The following LRRC4C variants were observed in gnomAD, a reference collection of about 807,000 sequenced individuals.
LRRC4C encodes the protein leucine rich repeat containing 4C, also known as leucine-rich repeat-containing protein 4C.
LRRC4C carries 5 observed loss-of-function variants against 33.6 expected under a neutral mutation model. That is an observed-to-expected ratio of 0.15 (90% CI 0.08 to 0.31). The LOEUF is 0.31. Among genes scored for constraint, LRRC4C ranks in the 10% least tolerant of loss-of-function variants. The pLI is 1.00. For synonymous variants in LRRC4C, 329 were observed against 302.0 expected (o/e 1.09, Z -0.93); for missense variants, 560 against 796.7 (o/e 0.70, Z 3.58).
At chr11:40,795,159 A>G (rs1950774438) in intron 2 of LRRC4C, among the ~76,000 whole-genome samples, 1 of 152,192 alleles carries the variant, frequency 6.6e-6, no homozygotes. Context: ...ACACTATACC[A>G]GGTAATAAAA....
intron 1 of LRRC4C, among the ~76,000 whole-genome samples, chr11:41,380,810 T>C (rs80184475): frequency 0.047 from 7,129 of 152,160 alleles, 583 homozygotes; most frequent in African/African-American, 0.16. Flanking sequence ...AGTCCAATAG[T>C]AGTCTGTCTG....
At chr11:40,915,165 T>A (rs919962840) in intron 2 of LRRC4C, among the ~76,000 whole-genome samples, 3 of 152,100 alleles carry the variant, frequency 2.0e-5, no homozygotes, top group African/African-American at 7.2e-5. Context: ...AAGCTACCAA[T>A]GACTTTCTTC....
chr11:41,279,381 A>AACACACACACACACACACACAC (rs575973002), intron 1 of LRRC4C, among the ~76,000 whole-genome samples: 1 of 126,382 alleles, frequency 7.9e-6, no homozygotes, highest in Non-Finnish European at 1.6e-5. Flanking sequence ...CACACACACA[A>AACACACACACACACACACACAC]ACACACACAC....
intron 2 of LRRC4C, among the ~76,000 whole-genome samples, chr11:40,767,862 A>G (rs893439163): frequency 2.6e-5 from 4 of 152,012 alleles, no homozygotes; most frequent in South Asian, 2.1e-4. Context: ...GCCTACATCA[A>G]CAAGGTAGTA....
At chr11:41,227,369 T>C (rs1947587059) in intron 1 of LRRC4C, among the ~76,000 whole-genome samples, 2 of 152,102 alleles carry the variant, frequency 1.3e-5, no homozygotes, top group Admixed American at 1.3e-4. Context: ...AAGAATCCAG[T>C]TTTGTCTGAT....
intron 1 of LRRC4C, among the ~76,000 whole-genome samples, chr11:41,026,331 AGTAACTGCAGATGTG>A (rs1036489824): frequency 1.3e-5 from 2 of 151,678 alleles, no homozygotes; most frequent in African/African-American, 4.8e-5. Context: ...CAGTGAGGGA[AGTAACTGCAGATGTG>A]GTAGAAAAAG....
chr11:40,229,366 G>A (rs536427413), intron 5 of LRRC4C, among the ~76,000 whole-genome samples: 13 of 152,080 alleles, frequency 8.5e-5, no homozygotes, highest in Admixed American at 5.9e-4. Flanking sequence ...TCCGCCTCCC[G>A]GGTTCAGGCA....
intron 4 of LRRC4C, among the ~76,000 whole-genome samples, chr11:40,247,899 C>A (rs1390234764): frequency 6.6e-6 from 1 of 152,198 alleles, no homozygotes; most frequent in Non-Finnish European, 1.5e-5. Flanking sequence ...GTCTGGAAAG[C>A]TTCCTCTCCT....
Position 40,658,453 on chromosome 11 carries a change from G to T in LRRC4C, c.-406-10175C>A, listed in dbSNP as rs188297851. ...TCAAGTCAGTATGCTGAGACACTGG[G>T]TTTCAGTAGAGAAAGGGGTTTAATT... is the stretch of plus-strand genomic sequence containing the variant. On this transcript the variant is annotated intron_variant, in intron 2 of 6. Coordinates refer to ENST00000528697, the MANE Select transcript of LRRC4C (RefSeq NM_001258419.2). 7.0e-4 allele frequency among the ~76,000 whole-genome samples: 106 copies of T among 152,304 alleles called. 1 individual carries two copies. Among genetic ancestry groups the T allele is most frequent in the Admixed American group, 5.9e-3 (90 of 15,304 alleles).
intron 1 of LRRC4C, among the ~76,000 whole-genome samples, chr11:40,986,233 G>A (rs539274506): frequency 6.6e-6 from 1 of 152,180 alleles, no homozygotes; most frequent in African/African-American, 2.4e-5. Flanking sequence ...TGGTGGAGTG[G>A]GGGAAAAAGT....
At chr11:41,308,953 C>A (rs968761503) in intron 1 of LRRC4C, among the ~76,000 whole-genome samples, 6 of 152,054 alleles carry the variant, frequency 3.9e-5, no homozygotes, top group Non-Finnish European at 7.4e-5. Context: ...TACAGGCATG[C>A]GTCAACACGC....
chr11:40,427,599 G>A (rs1042476588), intron 3 of LRRC4C, among the ~76,000 whole-genome samples: 7 of 152,210 alleles, frequency 4.6e-5, no homozygotes, highest in Admixed American at 6.5e-5. Context: ...AAGTCAAGGC[G>A]GGTGAATTGC....
At chr11:41,269,491 G>A (rs1253647711) in intron 1 of LRRC4C, among the ~76,000 whole-genome samples, 1 of 152,050 alleles carries the variant, frequency 6.6e-6, no homozygotes, top group Admixed American at 6.6e-5. Flanking sequence ...AGAGAGCAAA[G>A]AGCCAATCTA....
chr11:40,680,008 C>T (rs1354193433), intron 2 of LRRC4C, among the ~76,000 whole-genome samples: 3 of 152,154 alleles, frequency 2.0e-5, no homozygotes, highest in Non-Finnish European at 4.4e-5. Context: ...ATATACCTTG[C>T]AAAGCCCTAG....
At chr11:40,371,604 G>T (rs926804573) in intron 3 of LRRC4C, among the ~76,000 whole-genome samples, 1 of 152,148 alleles carries the variant, frequency 6.6e-6, no homozygotes, top group African/African-American at 2.4e-5. Flanking sequence ...GGATACAATC[G>T]TGGGTTTAAT....
chr11:40,815,026 C>A (rs578054422), intron 2 of LRRC4C, among the ~76,000 whole-genome samples: 1 of 152,252 alleles, frequency 6.6e-6, no homozygotes, highest in East Asian at 1.9e-4. Flanking sequence ...TTTTGGGTAT[C>A]TTTCCAGTAG....
intron 5 of LRRC4C, among the ~76,000 whole-genome samples, chr11:40,235,458 A>T (rs1865491077): frequency 6.6e-6 from 1 of 152,186 alleles, no homozygotes; most frequent in Non-Finnish European, 1.5e-5. Context: ...ATGTGTCTAA[A>T]TGTCAAAGCA....
intron 1 of LRRC4C, among the ~76,000 whole-genome samples, chr11:41,013,845 C>A (rs745746295): frequency 6.6e-6 from 1 of 152,146 alleles, no homozygotes; most frequent in South Asian, 2.1e-4. Context: ...GAAACTTACA[C>A]TCATGTTGGA....
chr11:41,452,173 C>A (rs1956048383), intron 1 of LRRC4C, among the ~76,000 whole-genome samples: 1 of 151,978 alleles, frequency 6.6e-6, no homozygotes, highest in Admixed American at 6.6e-5. Flanking sequence ...GGTTTTAATT[C>A]CAATCATATG....
Sources: allele counts gnomAD v4.1 joint callset (sites outside exome capture counted in the v4.1 genomes callset), GRCh38; gene constraint gnomAD v4.1.1; transcripts MANE v1.5; gene names NCBI Gene and HGNC (gene_info 2026-07-23, HGNC 2026-07-21).